The following ITPR2 variants were observed in gnomAD, a reference collection of about 807,000 sequenced individuals.
ITPR2 encodes the protein inositol 1,4,5-trisphosphate receptor type 2.
In ITPR2, 207 loss-of-function variants were observed where a neutral mutation model predicts 317.1. The observed-to-expected ratio is 0.65, with a 90% CI of 0.58 to 0.73. The LOEUF is 0.73. ITPR2 is among the 30% of genes least tolerant of loss of function. The pLI is 0.00. For missense variants in ITPR2, 2,613 were observed against 3,284.0 expected (o/e 0.80, Z 4.99); for synonymous variants, 1,156 against 1,149.1 (o/e 1.01, Z -0.12).
At chr12:26,418,535 C>A (rs1453151941) in intron 50 of ITPR2, among the ~76,000 whole-genome samples, 1 of 152,020 alleles carries the variant, frequency 6.6e-6, no homozygotes, top group Non-Finnish European at 1.5e-5. Context: ...AGTTTAACAG[C>A]AAGGACATAT....
intron 2 of ITPR2, among the ~76,000 whole-genome samples, chr12:26,784,363 C>T (rs61920582): frequency 0.25 from 16,503 of 66,360 alleles, 5,145 homozygotes; most frequent in Non-Finnish European, 0.42. Flanking sequence ...CTCCCTCTCC[C>T]TCCACGGTCT....
intron 55 of ITPR2, among the ~76,000 whole-genome samples, chr12:26,342,092 C>T (rs1443022226): frequency 6.6e-6 from 1 of 152,172 alleles, no homozygotes; most frequent in Non-Finnish European, 1.5e-5. Flanking sequence ...CAGCTGCTCA[C>T]ACACAGCCCA....
At chr12:26,698,751 T>C (rs1033146859) in intron 9 of ITPR2, among the ~76,000 whole-genome samples, 5 of 152,166 alleles carry the variant, frequency 3.3e-5, no homozygotes, top group African/African-American at 1.2e-4. Flanking sequence ...TAAGTTCCCT[T>C]GAATTATGAG....
At chr12:26,768,149 G>A (rs1458636565) in intron 2 of ITPR2, among the ~76,000 whole-genome samples, 1 of 152,024 alleles carries the variant, frequency 6.6e-6, no homozygotes, top group Non-Finnish European at 1.5e-5. Flanking sequence ...GTTGATGTGT[G>A]CAGCAAACCA....
rs1334384584 is a variant in ITPR2, at chr12:26,337,641, G to C, written c.*1756C>G. 1 of 152,114 alleles carries C rather than the reference G, an allele frequency of 6.6e-6. No homozygotes were observed. Among genetic ancestry groups the C allele is most frequent in the Non-Finnish European group, 1.5e-5 (1 of 68,022 alleles). 9.4% of individuals were successfully genotyped at this position (152,114 alleles called of 1,614,324 possible). ...CATGTATTTATTGACTGCCTCCTAG[G>C]TTCAAAGTTCTGTGCTGCATGCAGA... On this transcript the variant is annotated 3_prime_UTR_variant, in exon 57 of 57. Transcript: ENST00000381340.
intron 35 of ITPR2, among the ~76,000 whole-genome samples, 188 bp from the exon 36 acceptor site, chr12:26,556,563 T>TG (rs201526464): frequency 0.013 from 1,124 of 88,906 alleles, 11 homozygotes; most frequent in South Asian, 0.075. Context: ...TCTATTTTTT[T>TG]TTTTGTGTGT....
At chr12:26,758,557 C>A (rs557234287) in intron 2 of ITPR2, among the ~76,000 whole-genome samples, 35 of 152,180 alleles carry the variant, frequency 2.3e-4, no homozygotes, top group Non-Finnish European at 4.7e-4. Flanking sequence ...TTAAAAGTTG[C>A]ATGTCTAGTA....
intron 45 of ITPR2, among the ~76,000 whole-genome samples, chr12:26,449,742 G>A (rs1424504998): frequency 1.3e-5 from 2 of 152,090 alleles, no homozygotes; most frequent in African/African-American, 4.8e-5. Context: ...CCAAGCCATG[G>A]AGGATGTGCA....
At chr12:26,807,138 G>A (rs1346046608) in intron 1 of ITPR2, among the ~76,000 whole-genome samples, 2 of 151,838 alleles carry the variant, frequency 1.3e-5, no homozygotes, top group East Asian at 1.9e-4. Context: ...GCAGTGAGCC[G>A]AGATTACACC....
At chr12:26,830,461 CAAAGA>C (rs1204837480) in intron 1 of ITPR2, among the ~76,000 whole-genome samples, 11 of 152,154 alleles carry the variant, frequency 7.2e-5, no homozygotes, top group Non-Finnish European at 1.2e-4. Context: ...TATGTATAAC[CAAAGA>C]AAAGCACTCT....
chr12:26,410,618 CT>C (rs1347881792), intron 52 of ITPR2, among the ~76,000 whole-genome samples: 5 of 152,102 alleles, frequency 3.3e-5, no homozygotes, highest in Non-Finnish European at 7.4e-5. Flanking sequence ...AAATCTGCTC[CT>C]TTTTGTATAT....
chr12:26,421,394 T>C (rs760832144), intron 49 of ITPR2: 21 of 152,196 alleles, frequency 1.4e-4, no homozygotes, highest in Non-Finnish European at 2.4e-4. Flanking sequence ...TCTGTTGAGA[T>C]AAAAAACAGG....
chr12:26,416,639 T>C (rs918655379), intron 50 of ITPR2, among the ~76,000 whole-genome samples: 1 of 152,222 alleles, frequency 6.6e-6, no homozygotes, highest in African/African-American at 2.4e-5. Flanking sequence ...ACTGCTATTT[T>C]ACGATGGTTA....
chr12:26,382,597 A>G (rs1337346427), intron 55 of ITPR2, among the ~76,000 whole-genome samples: 1 of 152,114 alleles, frequency 6.6e-6, no homozygotes, highest in Non-Finnish European at 1.5e-5. Flanking sequence ...CCTGGGAGGC[A>G]GAGGTTGCAG....
chr12:26,368,902 T>C (rs1015777223), intron 55 of ITPR2, among the ~76,000 whole-genome samples: 18 of 152,250 alleles, frequency 1.2e-4, no homozygotes, highest in African/African-American at 4.3e-4. Flanking sequence ...GATAGCTGTT[T>C]TGGGGAAATG....
At chr12:26,492,041 G>T (rs1449623094) in intron 39 of ITPR2, among the ~76,000 whole-genome samples, 1 of 152,190 alleles carries the variant, frequency 6.6e-6, no homozygotes, top group Non-Finnish European at 1.5e-5. Context: ...AGAACAGAGA[G>T]TCCAAAGAAA....
At chr12:26,818,294 G>A (rs574722429) in intron 1 of ITPR2, among the ~76,000 whole-genome samples, 59 of 152,302 alleles carry the variant, frequency 3.9e-4, no homozygotes, top group African/African-American at 1.3e-3. Context: ...TCTTCATTCA[G>A]ATTCTCCAAT....
At chr12:26,413,565 G>A (rs1326906170) in intron 51 of ITPR2, among the ~76,000 whole-genome samples, 1 of 152,156 alleles carries the variant, frequency 6.6e-6, no homozygotes, top group Non-Finnish European at 1.5e-5. Context: ...ATGAAAACAA[G>A]GGTGTTTTTC....
intron 1 of ITPR2, among the ~76,000 whole-genome samples, chr12:26,801,522 ACC>A: frequency 6.6e-6 from 1 of 152,034 alleles, no homozygotes; most frequent in East Asian, 1.9e-4. Flanking sequence ...CCTTGATGTC[ACC>A]CTAGGGTTGG....
Sources: allele counts gnomAD v4.1 joint callset (sites outside exome capture counted in the v4.1 genomes callset), GRCh38; gene constraint gnomAD v4.1.1; transcripts MANE v1.5; gene names NCBI Gene and HGNC (gene_info 2026-07-23, HGNC 2026-07-21).